Variants in NEGR1 observed in about 807,000 individuals in gnomAD.
NEGR1 encodes IgLON family member 4.
NEGR1 carries 10 observed loss-of-function variants against 40.9 expected under a neutral mutation model. That is an observed-to-expected ratio of 0.24 (90% CI 0.15 to 0.42). The LOEUF (loss-of-function observed/expected upper bound fraction) is 0.42. Among genes scored for constraint, NEGR1 ranks in the 10% least tolerant of loss-of-function variants. The pLI, the probability that NEGR1 is intolerant of heterozygous loss-of-function variation, is 1.00. For missense variants in NEGR1, 352 were observed against 438.9 expected, an observed-to-expected ratio of 0.80 and a Z score of 1.77; for synonymous variants, 185 against 166.8, an observed-to-expected ratio of 1.11 and a Z score of -0.84.
intron 1 of NEGR1, among the ~76,000 whole-genome samples, chr1:72,054,404 T>C (rs556081803): frequency 2.0e-5 from 3 of 151,496 alleles, no homozygotes; most frequent in South Asian, 2.1e-4. Flanking sequence ...TGTTAGACTG[T>C]AGATTCTTTG....
intron 1 of NEGR1, among the ~76,000 whole-genome samples, chr1:71,974,715 G>T (rs1358306634): frequency 6.6e-6 from 1 of 151,894 alleles, no homozygotes; most frequent in Non-Finnish European, 1.5e-5. Context: ...AATTATTTTT[G>T]CAAATGCCTA....
chr1:71,690,888 C>T (rs1653254984), intron 4 of NEGR1, among the ~76,000 whole-genome samples: 1 of 151,798 alleles, frequency 6.6e-6, no homozygotes, highest in Non-Finnish European at 1.5e-5. Context: ...ACACAGGCTC[C>T]CATCTAGCAA....
intron 1 of NEGR1, among the ~76,000 whole-genome samples, chr1:71,983,207 A>G (rs1243981950): frequency 6.6e-6 from 1 of 152,148 alleles, no homozygotes; most frequent in African/African-American, 2.4e-5. Context: ...ACTAAGAAAA[A>G]TGCTGATTCA....
chr1:72,282,210 A>T, intron 1 of NEGR1, 109 bp downstream of exon 1: 2 of 1,273,108 alleles, frequency 1.6e-6, no homozygotes, highest in South Asian at 3.0e-5. Flanking sequence ...TCTTTCCATG[A>T]TGAGCACCAC....
intron 1 of NEGR1, among the ~76,000 whole-genome samples, chr1:72,032,534 A>C (rs1018511320): frequency 6.6e-6 from 1 of 152,210 alleles, no homozygotes; most frequent in Admixed American, 6.5e-5. Context: ...ATGTTCTAAA[A>C]TGGGATATCA....
At chr1:71,938,806 A>G (rs973219587) in intron 1 of NEGR1, among the ~76,000 whole-genome samples, 22 of 152,114 alleles carry the variant, frequency 1.4e-4, no homozygotes, top group African/African-American at 5.1e-4. Context: ...ACAGGGAGTG[A>G]AAAATGTAGT....
At chr1:72,057,603 C>T (rs754171018) in intron 1 of NEGR1, among the ~76,000 whole-genome samples, 1 of 151,424 alleles carries the variant, frequency 6.6e-6, no homozygotes, top group African/African-American at 2.4e-5. Context: ...CAACTCTAGA[C>T]GAGGGGCCCC....
intron 6 of NEGR1, among the ~76,000 whole-genome samples, chr1:71,526,500 T>C (rs1647218581): frequency 1.3e-5 from 2 of 151,412 alleles, no homozygotes; most frequent in Admixed American, 1.3e-4. Flanking sequence ...GGCATGACAT[T>C]TATGGTATTT....
At chr1:72,213,369 T>C (rs1052956729) in intron 1 of NEGR1, among the ~76,000 whole-genome samples, 4 of 151,974 alleles carry the variant, frequency 2.6e-5, no homozygotes, top group Non-Finnish European at 5.9e-5. Flanking sequence ...TTACTTTTTG[T>C]TCTTCTCAAC....
chr1:71,918,046 T>C (rs1437725721), intron 2 of NEGR1, among the ~76,000 whole-genome samples: 1 of 148,542 alleles, frequency 6.7e-6, no homozygotes, highest in Non-Finnish European at 1.5e-5. Context: ...TGAAACCCCG[T>C]CTCTACTAGA....
intron 3 of NEGR1, among the ~76,000 whole-genome samples, chr1:71,719,937 G>C (rs1654446877): frequency 6.6e-6 from 1 of 152,072 alleles, no homozygotes; most frequent in Non-Finnish European, 1.5e-5. Flanking sequence ...GACCCTATAA[G>C]AGTGCATGTA....
chr1:71,458,333 A>AGCC (rs1349196747), intron 6 of NEGR1, among the ~76,000 whole-genome samples: 1 of 152,198 alleles, frequency 6.6e-6, no homozygotes, highest in Admixed American at 6.5e-5. Context: ...CATTAGATTA[A>AGCC]ACATTGTCCT....
intron 1 of NEGR1, among the ~76,000 whole-genome samples, chr1:72,159,404 C>A (rs1355492857): frequency 1.3e-5 from 2 of 152,026 alleles, no homozygotes; most frequent in African/African-American, 4.8e-5. Context: ...AACATAGGTA[C>A]AACATTGGAT....
intron 1 of NEGR1, among the ~76,000 whole-genome samples, chr1:72,087,751 C>CTTTTTTTTTT (rs1194408394): frequency 2.1e-5 from 2 of 95,108 alleles, no homozygotes; most frequent in African/African-American, 4.0e-5. Flanking sequence ...TGCCACTGTG[C>CTTTTTTTTTT]TTTTTTTTTT....
chr1:71,982,050 T>G (rs1205361408), intron 1 of NEGR1, among the ~76,000 whole-genome samples: 2 of 152,196 alleles, frequency 1.3e-5, no homozygotes, highest in East Asian at 3.8e-4. Flanking sequence ...TATAAACAAG[T>G]AATTTGTGAC....
intron 2 of NEGR1, among the ~76,000 whole-genome samples, chr1:71,908,477 A>C (rs1661338280): frequency 6.6e-6 from 1 of 152,160 alleles, no homozygotes; most frequent in Non-Finnish European, 1.5e-5. Context: ...TAAACACTTC[A>C]TGTGTTCCAG....
intron 1 of NEGR1, among the ~76,000 whole-genome samples, chr1:72,113,709 A>G (rs1211449748): frequency 1.3e-5 from 2 of 151,806 alleles, no homozygotes; most frequent in African/African-American, 4.8e-5. Flanking sequence ...AAGCAGATTC[A>G]AACTGTGATC....
chr1:71,668,867 G>A (rs1435778145), intron 4 of NEGR1, among the ~76,000 whole-genome samples: 1 of 152,142 alleles, frequency 6.6e-6, no homozygotes, highest in Non-Finnish European at 1.5e-5. Flanking sequence ...AGGGCAGTCT[G>A]CTTGGCGTGA....
intron 2 of NEGR1, among the ~76,000 whole-genome samples, chr1:71,827,374 A>C (rs140649418): frequency 6.6e-6 from 1 of 151,982 alleles, no homozygotes; most frequent in Non-Finnish European, 1.5e-5. Context: ...AAGTAAATTA[A>C]AGGGTCTACG....
Sources: gnomAD v4.1 joint callset for allele counts (sites outside exome capture counted in the v4.1 genomes callset) on GRCh38, gnomAD v4.1.1 for gene constraint, MANE v1.5 for transcripts, NCBI Gene and HGNC (gene_info 2026-07-23, HGNC 2026-07-21) for gene names.